Variants in SRSF11 observed in about 807,000 individuals in gnomAD.
SRSF11 encodes serine and arginine rich splicing factor 11.
In SRSF11, 9 loss-of-function variants were observed where a neutral mutation model predicts 56.0. The ratio of observed to expected loss-of-function variants is 0.16; its 90% CI spans 0.10 to 0.28. SRSF11 has a LOEUF of 0.28. SRSF11 is among the 10% of genes least tolerant of loss of function. SRSF11 has a pLI of 1.00. For missense variants in SRSF11, 421 were observed against 600.7 expected (o/e 0.70, Z 3.13); for synonymous variants, 222 against 215.3 (o/e 1.03, Z -0.27).
chr1:70,207,032 AGCCGC>A (rs1474071099), intron 1 of SRSF11, among the ~76,000 whole-genome samples: 1 of 151,526 alleles, frequency 6.6e-6, no homozygotes, highest in Non-Finnish European at 1.5e-5. Flanking sequence ...CTGGGATTAT[AGCCGC>A]GCACCACCAC....
intron 1 of SRSF11, among the ~76,000 whole-genome samples, chr1:70,225,961 C>T (rs1035845446): frequency 1.3e-5 from 2 of 151,974 alleles, no homozygotes; most frequent in East Asian, 1.9e-4. Context: ...GAGGCTGAGG[C>T]GGGTGGATCA....
intron 2 of SRSF11, chr1:70,231,712 A>G (rs1672883843): frequency 8.3e-7 from 1 of 1,205,472 alleles, no homozygotes; most frequent in South Asian, 1.5e-5. Context: ...CCAACAGAAT[A>G]TTTCCTTTAC....
Position 70,232,270 on chromosome 1 carries a change from G to A in SRSF11, c.340G>A (p.Val114Ile). 6.2e-7 allele frequency: 1 copy of A among 1,614,192 alleles called. No homozygotes were observed. Among genetic ancestry groups the A allele is most frequent in the South Asian group, 1.1e-5 (1 of 91,084 alleles). ...AATGCAAGGATGTTTCTCTGCAGGA[G>A]TTATTCCTGATGAAGCTAAAGCTTT... ...ALIVVPYAEG[V>I]IPDEAKALSL... The change falls in exon 3 of 12, where the codon GTT becomes ATT. Residue 114 changes from valine to isoleucine, a missense_variant and splice_region_variant. Physicochemically the swap from Val to Ile is conservative, Grantham distance 29 (BLOSUM62 3). This residue lies in a region of SRSF11 where 168 missense variants were observed against 294.9 expected (regional missense o/e 0.57). Transcript: ENST00000370949.
Position 70,208,481 on chromosome 1 carries a change from G to A in SRSF11, c.-26+2701G>A, listed in dbSNP as rs900948855. On this transcript the variant is annotated intron_variant, in intron 1 of 12. Transcript: ENST00000370950. ...CCCAAGAAGCTGGCATTACAGGTACGCACCACCACACCCAGCTAATTTTTT... is the reference window on the plus strand; with the variant it reads ...CCCAAGAAGCTGGCATTACAGGTACACACCACCACACCCAGCTAATTTTTT... Among the ~76,000 whole-genome samples the A allele has an allele frequency of 3.3e-5, 5 of 152,138 alleles. 1 individual carries two copies. Among genetic ancestry groups the A allele is most frequent in the East Asian group, 1.9e-4 (1 of 5,162 alleles).
At chr1:70,215,422 A>G (rs999693624) in intron 1 of SRSF11, among the ~76,000 whole-genome samples, 1 of 152,218 alleles carries the variant, frequency 6.6e-6, no homozygotes, top group African/African-American at 2.4e-5. Flanking sequence ...CTGCCTTACA[A>G]GAATTGAGCA....
chr1:70,222,932 A>G (rs1670980519), intron 1 of SRSF11: 1 of 152,208 alleles, frequency 6.6e-6, no homozygotes, highest in Admixed American at 6.5e-5. Flanking sequence ...GGTGTTTTCA[A>G]ATTGGTATGT....
chr1:70,218,358 A>G (rs1670212747), upstream of SRSF11, among the ~76,000 whole-genome samples: 2 of 152,220 alleles, frequency 1.3e-5, no homozygotes, highest in African/African-American at 4.8e-5. Flanking sequence ...TGAAAATAAA[A>G]TATTTTAAAA....
chr1:70,237,970 T>G (rs754123042), intron 6 of SRSF11, among the ~76,000 whole-genome samples: 2 of 152,224 alleles, frequency 1.3e-5, no homozygotes, highest in East Asian at 3.8e-4. Context: ...ATGATATTTC[T>G]TTAAAGAAAA....
chr1:70,228,673 G>GT, intron 2 of SRSF11, 118 bp downstream of exon 2: 1 of 1,374,868 alleles, frequency 7.3e-7, no homozygotes. Context: ...TTAAACCCTT[G>GT]TTATACTGCA....
chr1:70,229,803 T>C (rs1672514139), intron 2 of SRSF11: 1 of 983,920 alleles, frequency 1.0e-6, no homozygotes. Flanking sequence ...TTAACTTATA[T>C]TTATAAATGG....
intron 1 of SRSF11, among the ~76,000 whole-genome samples, chr1:70,214,644 A>G (rs888169637): frequency 5.3e-5 from 8 of 152,176 alleles, no homozygotes; most frequent in Admixed American, 1.3e-4. Flanking sequence ...GAAAATAAAC[A>G]CAGGTAGACT....
chr1:70,229,792 A>T (rs571859591), intron 2 of SRSF11: 1 of 984,006 alleles, frequency 1.0e-6, no homozygotes, highest in African/African-American at 1.7e-5. Context: ...TTCTAAAGAA[A>T]TTAACTTATA....
upstream of SRSF11, chr1:70,221,309 G>A (rs757142133): frequency 1.5e-5 from 5 of 330,624 alleles, no homozygotes; most frequent in Non-Finnish European, 2.8e-5. Flanking sequence ...GACGGCTGCT[G>A]GGCCTGCGCG....
chr1:70,242,781 T>C (rs1431614300), intron 7 of SRSF11, among the ~76,000 whole-genome samples: 1 of 152,200 alleles, frequency 6.6e-6, no homozygotes, highest in Non-Finnish European at 1.5e-5. Flanking sequence ...GTTTAATCTC[T>C]TAAGGTTATG....
rs558214949 is a variant in SRSF11, at chr1:70,215,141, A to G, written c.-25-6471A>G. On this transcript the variant is annotated intron_variant, in intron 1 of 12. Coordinates refer to the SRSF11 transcript ENST00000370950. ...TTGAACTCCTGGCGTGAAGTGATCC[A>G]CTCACCTTGGCCTCCCAAAGTGCTG... Among the ~76,000 whole-genome samples, 17 of 151,844 alleles carry G rather than the reference A, an allele frequency of 1.1e-4. No individual in the cohort carries two copies. The South Asian group carries it at 3.1e-3, about 28-fold the overall frequency.
At chr1:70,222,800 T>G (rs1670946117) in intron 1 of SRSF11, 1 of 152,232 alleles carries the variant, frequency 6.6e-6, no homozygotes, top group Non-Finnish European at 1.5e-5. Flanking sequence ...ACTGTTATGG[T>G]ACGTGTAACC....
At chr1:70,206,819 A>G (rs995418660) in intron 1 of SRSF11, among the ~76,000 whole-genome samples, 35 of 151,618 alleles carry the variant, frequency 2.3e-4, no homozygotes, top group Non-Finnish European at 1.5e-5. Flanking sequence ...AGTCCTTTAC[A>G]CTAATATCGA....
intron 7 of SRSF11, among the ~76,000 whole-genome samples, chr1:70,241,189 A>G (rs368416230): frequency 5.1e-4 from 78 of 152,286 alleles, no homozygotes; most frequent in African/African-American, 1.7e-3. Context: ...CAAGGGTTAG[A>G]TAAAACCATT....
At position 70,206,496 on chromosome 1, in the gene SRSF11, A is replaced by T. The variant is rs2100392869; in HGVS notation, c.-26+716A>T. The stretch of plus-strand genomic sequence containing the variant: ...TCAATGTAAGTCGGTGTTTCCTAGG[A>T]AATTAAAATTTTCATCTGAAATGTA... On this transcript the variant is annotated intron_variant, in intron 1 of 12. Transcript: ENST00000370950. Among the ~76,000 whole-genome samples, 3 of 152,274 alleles carry T rather than the reference A, an allele frequency of 2.0e-5. No individual in the cohort carries two copies. In the South Asian group the frequency reaches 6.2e-4, roughly 32 times the overall value.
Sources: allele counts gnomAD v4.1 joint callset (sites outside exome capture counted in the v4.1 genomes callset), GRCh38; gene constraint gnomAD v4.1.1; regional missense constraint gnomAD v4.1.1; transcripts MANE v1.5; gene names NCBI Gene and HGNC (gene_info 2026-07-23, HGNC 2026-07-21).